The following LARS2 variants were observed in gnomAD, a reference collection of about 807,000 sequenced individuals.
The protein encoded by LARS2 is leucine--tRNA ligase, mitochondrial.
LARS2 carries 81 observed loss-of-function variants against 116.6 expected under a neutral mutation model. The ratio of observed to expected loss-of-function variants is 0.69; its 90% CI spans 0.58 to 0.84. LARS2 has a LOEUF of 0.84. Among genes scored for constraint, LARS2 ranks in the 40% least tolerant of loss-of-function variants. The probability of loss-of-function intolerance (pLI) is 0.00; values close to 1 mark genes in which losing one functional copy is unlikely to be tolerated. For missense variants in LARS2, 968 were observed against 1,114.5 expected (o/e 0.87, Z 1.87); for synonymous variants, 396 against 407.2 (o/e 0.97, Z 0.33).
chr3:45,458,682 C>A lies in LARS2; in HGVS notation c.607-61C>A, dbSNP rs745551. ...AGCCCGGGCGACAGTGCGACACTCC[C>A]TGTCAAAAAAAAAAAAGAGTACTCA... On this transcript the variant is annotated intron_variant, in intron 7 of 21. Transcript: ENST00000645846. 0.97 allele frequency: 1,517,027 copies of A among 1,556,542 alleles called. 745,237 individuals are homozygous for A. Among genetic ancestry groups the A allele is most frequent in the East Asian group, 1 (44,397 of 44,454 alleles).
chr3:45,435,123 C>T (rs1251637855), intron 6 of LARS2, among the ~76,000 whole-genome samples: 1 of 152,142 alleles, frequency 6.6e-6, no homozygotes, highest in African/African-American at 2.4e-5. Flanking sequence ...CATGTATCCC[C>T]ACAGGGACTC....
chr3:45,460,454 C>T (rs1381608704), intron 8 of LARS2, among the ~76,000 whole-genome samples: 4 of 152,198 alleles, frequency 2.6e-5, no homozygotes, highest in Non-Finnish European at 4.4e-5. Flanking sequence ...TTTGTTTTGA[C>T]CTCTGCCTCT....
At chr3:45,442,478 A>T (rs1302787642) in intron 6 of LARS2, among the ~76,000 whole-genome samples, 1 of 152,216 alleles carries the variant, frequency 6.6e-6, no homozygotes, top group Non-Finnish European at 1.5e-5. Context: ...TATTATGTAG[A>T]TTTTCCAAGT....
At chr3:45,519,106 T>A (rs1478026606) in intron 18 of LARS2, among the ~76,000 whole-genome samples, 1 of 152,230 alleles carries the variant, frequency 6.6e-6, no homozygotes, top group Non-Finnish European at 1.5e-5. Context: ...GTTACTTTTC[T>A]GTATTCTTGC....
In LARS2 at chr3:45,502,908, A is replaced by G. The variant is rs141028262; in HGVS notation, c.1760+2329A>G. Among the ~76,000 whole-genome samples, 487 of 152,110 alleles carry G rather than the reference A, an allele frequency of 3.2e-3. 11 individuals are homozygous for G. Among genetic ancestry groups the G allele is most frequent in the Non-Finnish European group, 4.7e-3 (320 of 67,964 alleles). Reference sequence around the variant, plus strand: ...TTTTCTAAAATAGATTAAACATACTATTTTATATTATCTGATAATTCTTTA... The same window carrying G: ...TTTTCTAAAATAGATTAAACATACTGTTTTATATTATCTGATAATTCTTTA... On this transcript the variant is annotated intron_variant, in intron 15 of 21. Coordinates refer to ENST00000645846, the MANE Select transcript of LARS2 (RefSeq NM_015340.4).
At chr3:45,406,827 T>C (rs1273400664) in intron 4 of LARS2, among the ~76,000 whole-genome samples, 1 of 152,232 alleles carries the variant, frequency 6.6e-6, no homozygotes, top group Non-Finnish European at 1.5e-5. Flanking sequence ...AAGGCTGTAC[T>C]GCCAATCGGT....
chr3:45,397,469 A>G (rs1031441431), intron 3 of LARS2, among the ~76,000 whole-genome samples: 2 of 152,240 alleles, frequency 1.3e-5, no homozygotes, highest in Admixed American at 6.5e-5. Context: ...TAGCTAGTAT[A>G]TAATTATTCA....
At chr3:45,433,598 A>C (rs924889432) in intron 6 of LARS2, among the ~76,000 whole-genome samples, 1 of 152,148 alleles carries the variant, frequency 6.6e-6, no homozygotes, top group Non-Finnish European at 1.5e-5. Flanking sequence ...CCACATAGAC[A>C]ATGATAATTT....
chr3:45,419,596 A>C (rs1698483245), intron 5 of LARS2, 73 bp from the exon 6 acceptor site: 1 of 1,030,682 alleles, frequency 9.7e-7, no homozygotes, highest in Admixed American at 2.0e-5. Flanking sequence ...TTCCCTTTAC[A>C]TTCTCAAAGT....
At chr3:45,517,810 A>T in intron 17 of LARS2, 93 bp from the exon 18 acceptor site, 1 of 976,764 alleles carries the variant, frequency 1.0e-6, no homozygotes, top group Non-Finnish European at 1.6e-6. Context: ...GTGTCACATC[A>T]ATTCACAGGT....
At chr3:45,531,655 A>G (rs1427533189) in intron 20 of LARS2, among the ~76,000 whole-genome samples, 30 of 152,026 alleles carry the variant, frequency 2.0e-4, no homozygotes, top group Admixed American at 2.0e-3. Flanking sequence ...AAGTGCTGGG[A>G]TTATAGGCAT....
At chr3:45,499,313 G>A (rs1044963844) in intron 14 of LARS2, among the ~76,000 whole-genome samples, 1 of 152,102 alleles carries the variant, frequency 6.6e-6, no homozygotes, top group Non-Finnish European at 1.5e-5. Flanking sequence ...GTGGTGTCAG[G>A]CATCTGTAAT....
At chr3:45,502,265 G>A (rs1240443234) in intron 15 of LARS2, among the ~76,000 whole-genome samples, 2 of 151,572 alleles carry the variant, frequency 1.3e-5, no homozygotes, top group Non-Finnish European at 2.9e-5. Flanking sequence ...ATTTGTAAGG[G>A]GTTCTTTAAA....
rs199778138 is a variant in LARS2, at chr3:45,476,458, C to T, written c.859-10C>T. On this transcript the variant is annotated splice_polypyrimidine_tract_variant and intron_variant, in intron 9 of 21. Coordinates refer to ENST00000645846, the MANE Select transcript of LARS2 (RefSeq NM_015340.4). ...TGAGAAATGACATCACTCTTCTTTC[C>T]TATCACCAGGTTCATGGGCAAGCCA... is the stretch of plus-strand genomic sequence containing the variant. 6.2e-6 allele frequency: 10 copies of T among 1,614,108 alleles called. No homozygotes were observed. In the East Asian group the frequency reaches 2.2e-4, roughly 36 times the overall value.
At chr3:45,452,239 G>C (rs147251314) in intron 7 of LARS2, among the ~76,000 whole-genome samples, 209 of 152,268 alleles carry the variant, frequency 1.4e-3, no homozygotes, top group African/African-American at 4.8e-3. Flanking sequence ...TAAAAGTGGT[G>C]AAAGTGGTAA....
intron 6 of LARS2, among the ~76,000 whole-genome samples, chr3:45,430,644 G>A (rs1419055613): frequency 7.0e-6 from 1 of 142,178 alleles, no homozygotes; most frequent in Non-Finnish European, 1.5e-5. Flanking sequence ...GAGTGCCGTG[G>A]CGCGATCTCA....
At position 45,513,831 on chromosome 3, in the gene LARS2, G is replaced by A. The variant is rs1039990279; in HGVS notation, c.1861+596G>A. 3.3e-5 allele frequency among the ~76,000 whole-genome samples: 5 copies of A among 152,184 alleles called. No homozygotes were observed. In the East Asian group the frequency reaches 9.6e-4, roughly 29 times the overall value. On this transcript the variant is annotated intron_variant, in intron 16 of 21. Transcript: ENST00000645846. ...ACATTTCACCCTTCATTTTCACCCT[G>A]AGGATCACAAGATCTTCAGGTGCCA...
At chr3:45,519,284 G>A (rs933288595) in intron 18 of LARS2, among the ~76,000 whole-genome samples, 1 of 151,872 alleles carries the variant, frequency 6.6e-6, no homozygotes, top group Admixed American at 6.6e-5. Context: ...AAGATCAAGA[G>A]ATTGAGACCA....
At chr3:45,473,045 A>C (rs1315486530) in intron 8 of LARS2, among the ~76,000 whole-genome samples, 1 of 152,222 alleles carries the variant, frequency 6.6e-6, no homozygotes, top group Non-Finnish European at 1.5e-5. Flanking sequence ...GATAAGGCAC[A>C]GTTGTAGGCT....
Sources: allele counts gnomAD v4.1 joint callset (sites outside exome capture counted in the v4.1 genomes callset), GRCh38; gene constraint gnomAD v4.1.1; transcripts MANE v1.5; gene names NCBI Gene and HGNC (gene_info 2026-07-23, HGNC 2026-07-21).